SELENOI: variants seen among roughly 807,000 people sequenced by gnomAD.
SELENOI encodes ethanolaminephosphotransferase 1.
Under a neutral mutation model 50.7 loss-of-function variants are expected in SELENOI, and 24 were observed. The ratio of observed to expected loss-of-function variants is 0.47; its 90% CI spans 0.34 to 0.67. The LOEUF is 0.67. Ranked by LOEUF, SELENOI falls within the 30% of genes least tolerant of loss-of-function variation. The pLI, the probability that SELENOI is intolerant of heterozygous loss-of-function variation, is 0.01. For missense variants in SELENOI, 352 were observed against 461.4 expected (o/e 0.76, Z 2.17); for synonymous variants, 155 against 170.2 (o/e 0.91, Z 0.70).
At chr2:26,384,819 T>C (rs1677804283) in intron 7 of SELENOI, 140 bp from the exon 8 acceptor site, 1 of 535,194 alleles carries the variant, frequency 1.9e-6, no homozygotes, top group African/African-American at 2.0e-5. Flanking sequence ...ATGGGATTAA[T>C]GATGTTGGTT....
intron 1 of SELENOI, among the ~76,000 whole-genome samples, chr2:26,361,681 T>C (rs1677181903): frequency 6.7e-6 from 1 of 150,198 alleles, no homozygotes; most frequent in South Asian, 2.1e-4. Flanking sequence ...TGAGATGGAG[T>C]CTCACTCTGT....
At chr2:26,383,967 T>A (rs1677784743) in intron 7 of SELENOI, among the ~76,000 whole-genome samples, 1 of 152,208 alleles carries the variant, frequency 6.6e-6, no homozygotes, top group African/African-American at 2.4e-5. Context: ...AAATAGCCCT[T>A]ATATAGAAGT....
At chr2:26,372,689 A>T (rs894407843) in intron 4 of SELENOI, among the ~76,000 whole-genome samples, 1 of 152,194 alleles carries the variant, frequency 6.6e-6, no homozygotes, top group Non-Finnish European at 1.5e-5. Flanking sequence ...ATGAATTACT[A>T]TGGCATGTTC....
intron 1 of SELENOI, among the ~76,000 whole-genome samples, chr2:26,355,231 G>A (rs1456504185): frequency 1.3e-5 from 2 of 152,214 alleles, no homozygotes; most frequent in Non-Finnish European, 2.9e-5. Flanking sequence ...ATCCCTGGTG[G>A]TTATACCAAG....
chr2:26,364,319 C>G lies in SELENOI; in HGVS notation c.75C>G (p.Thr25=), dbSNP rs920513252. ...FDKYKYSAVD[T]NPLSLYVMHP... ...CTTAACAGTACAGTGCTGTGGATAC[C>G]AATCCACTTTCTCTGTATGTCATGC... Residue 25 remains threonine (T), a synonymous_variant, in exon 2 of 10, where the codon ACC becomes ACG. Coordinates refer to ENST00000260585, the MANE Select transcript of SELENOI (RefSeq NM_033505.4). 3 of 1,557,784 alleles carry G rather than the reference C, an allele frequency of 1.9e-6. No individual in the cohort carries two copies. The highest frequency in any genetic ancestry group is 2.6e-6 in the Non-Finnish European group (3 of 1,147,796).
chr2:26,367,341 T>C, intron 4 of SELENOI, 121 bp downstream of exon 4: 1 of 676,026 alleles, frequency 1.5e-6, no homozygotes, highest in Non-Finnish European at 2.3e-6. Flanking sequence ...ATTAGTATCC[T>C]GTTCAAATTG....
intron 6 of SELENOI, 82 bp downstream of exon 6, chr2:26,375,230 C>T (rs1255868563): frequency 1.3e-5 from 11 of 820,512 alleles, no homozygotes; most frequent in Non-Finnish European, 2.1e-5. Context: ...CAAGCAACAA[C>T]ACCCTTTGCC....
In SELENOI at chr2:26,371,884, G is replaced by GGGGAGAGGGAGA. The variant is rs777717594; in HGVS notation, c.311-1465_311-1454dup. Among the ~76,000 whole-genome samples the GGGGAGAGGGAGA allele has an allele frequency of 5.3e-5, 8 of 150,956 alleles. No individual in the cohort carries two copies. The East Asian group carries it at 7.8e-4, about 15-fold the overall frequency. On this transcript the variant is annotated intron_variant, in intron 4 of 9. Coordinates refer to ENST00000260585, the MANE Select transcript of SELENOI (RefSeq NM_033505.4). ...GAAACCATGGGGAGAGGGAGACCAT[G>GGGGAGAGGGAGA]GGGAGAGGGAGAGGGAGAGGGAGAG...
At chr2:26,354,178 T>A (rs1174420069) in intron 1 of SELENOI, among the ~76,000 whole-genome samples, 1 of 152,192 alleles carries the variant, frequency 6.6e-6, no homozygotes, top group Non-Finnish European at 1.5e-5. Flanking sequence ...AACTGCCATC[T>A]GAGAAAGAGG....
chr2:26,358,248 C>G (rs922916402), intron 1 of SELENOI, among the ~76,000 whole-genome samples: 1 of 152,088 alleles, frequency 6.6e-6, no homozygotes, highest in South Asian at 2.1e-4. Flanking sequence ...ACTAAAAATA[C>G]AAAATTTAGC....
intron 4 of SELENOI, among the ~76,000 whole-genome samples, chr2:26,369,780 G>A (rs572277944): frequency 1.8e-4 from 27 of 152,300 alleles, no homozygotes; most frequent in East Asian, 1.3e-3. Flanking sequence ...TAACATGCTA[G>A]TCTCTAGTCA....
In SELENOI at chr2:26,383,419, C is replaced by T; in HGVS notation, c.731+72C>T. ...GCAGTTGTTAGCTGAACTTAGGGAT[C>T]TATTTTCCTTTTGGAGTCAGGACAT... On this transcript the variant is annotated intron_variant, in intron 7 of 9. Coordinates refer to ENST00000260585, the MANE Select transcript of SELENOI (RefSeq NM_033505.4). 1.1e-5 allele frequency: 12 copies of T among 1,100,470 alleles called. No homozygotes were observed. In the South Asian group the frequency reaches 1.7e-4, roughly 16 times the overall value. 68.2% of individuals were successfully genotyped at this position (1,100,470 alleles called of 1,614,324 possible).
At chr2:26,352,842 T>TG (rs1574748398) in intron 1 of SELENOI, among the ~76,000 whole-genome samples, 2 of 119,858 alleles carry the variant, frequency 1.7e-5, no homozygotes, top group Admixed American at 1.7e-4. Flanking sequence ...TGGATTCTCT[T>TG]GAAAAAAAAA....
chr2:26,362,875 A>G (rs1042729341), intron 1 of SELENOI, among the ~76,000 whole-genome samples: 2 of 152,188 alleles, frequency 1.3e-5, no homozygotes, highest in African/African-American at 4.8e-5. Flanking sequence ...GAGGGTTTGA[A>G]CTAGGCTAAT....
At position 26,367,165 on chromosome 2, in the gene SELENOI, G is replaced by A. The variant is rs1356042984; in HGVS notation, c.255G>A (p.Val85=). Reference sequence around the variant, plus strand: ...TTTCAGCACCAGGTCACAAGCACGTGCCTGACTGGGTTTGGATTGTAGTGG... The same window carrying A: ...TTTCAGCACCAGGTCACAAGCACGTACCTGACTGGGTTTGGATTGTAGTGG... ...FYASAPGHKH[V]PDWVWIVVGI... The change falls in exon 4 of 10, where the codon GTG becomes GTA. Residue 85 remains valine (V), a synonymous_variant. Transcript: ENST00000260585. The A allele has an allele frequency of 6.2e-7, 1 of 1,610,622 alleles. No individual in the cohort carries two copies. The highest frequency in any genetic ancestry group is 8.5e-7 in the Non-Finnish European group (1 of 1,178,462).
intron 6 of SELENOI, among the ~76,000 whole-genome samples, chr2:26,379,010 C>A (rs1344931745): frequency 6.6e-6 from 1 of 152,154 alleles, no homozygotes; most frequent in Non-Finnish European, 1.5e-5. Flanking sequence ...TGCTGTGGCT[C>A]ACACCTATAA....
chr2:26,374,104 T>G (rs1677516714), intron 5 of SELENOI, among the ~76,000 whole-genome samples: 1 of 152,176 alleles, frequency 6.6e-6, no homozygotes. Flanking sequence ...AATACTTCGC[T>G]ATATATCTCT....
At chr2:26,358,522 G>A (rs1677111052) in intron 1 of SELENOI, among the ~76,000 whole-genome samples, 1 of 152,208 alleles carries the variant, frequency 6.6e-6, no homozygotes. Flanking sequence ...ACAATGCCCG[G>A]TCCATAATAG....
At chr2:26,356,535 G>T (rs1677068260) in intron 1 of SELENOI, among the ~76,000 whole-genome samples, 1 of 152,038 alleles carries the variant, frequency 6.6e-6, no homozygotes, top group African/African-American at 2.4e-5. Context: ...TTAAATTAAG[G>T]GGGACTCATT....
Sources: gnomAD v4.1 joint callset for allele counts (sites outside exome capture counted in the v4.1 genomes callset) on GRCh38, gnomAD v4.1.1 for gene constraint, MANE v1.5 for transcripts, NCBI Gene and HGNC (gene_info 2026-07-23, HGNC 2026-07-21) for gene names.